The following CABLES2 variants were observed in gnomAD, a reference collection of about 807,000 sequenced individuals.
CABLES2 encodes Cdk5 and Abl enzyme substrate 2.
In CABLES2, 35 loss-of-function variants were observed where a neutral mutation model predicts 44.8. The observed-to-expected ratio is 0.78, with a 90% CI of 0.60 to 1.04. The LOEUF is 1.04. Ranked by LOEUF, CABLES2 falls within the 50% of genes least tolerant of loss-of-function variation. The pLI is 0.00. For synonymous variants in CABLES2, 282 were observed against 281.1 expected (o/e 1.00, Z -0.03); for missense variants, 566 against 615.7 (o/e 0.92, Z 0.85).
chr20:62,396,475 C>T lies in CABLES2; in HGVS notation c.434+46G>A. ...CCTCTGGCCCCGCAGGGGTCAGTGG[C>T]AGCCCGAGCGGAGTCGTAGAGCTCG... On this transcript the variant is annotated intron_variant, in intron 2 of 9. Coordinates refer to ENST00000279101, the MANE Select transcript of CABLES2 (RefSeq NM_031215.3). The surrounding 1 kb of genome is among the most constrained non-coding windows in gnomAD (Gnocchi z 5.7). 6.2e-7 allele frequency: 1 copy of T among 1,613,134 alleles called. No homozygotes were observed. The highest frequency in any genetic ancestry group is 1.1e-5 in the South Asian group (1 of 91,074).
chr20:62,398,089 C>CGGTGGT (rs1376860164), intron 1 of CABLES2, among the ~76,000 whole-genome samples: 1 of 54,854 alleles, frequency 1.8e-5, no homozygotes, highest in Non-Finnish European at 3.5e-5. Flanking sequence ...GTGGTGGTGA[C>CGGTGGT]GGTGGTGGTG....
intron 1 of CABLES2, chr20:62,403,769 A>G (rs1478845900): frequency 6.6e-6 from 1 of 152,258 alleles, no homozygotes; most frequent in Non-Finnish European, 1.5e-5. Context: ...TGGAAGTTCT[A>G]TGAGGAAAAC....
At chr20:62,397,962 ATGGTGGTGACAG>A (rs1988060669) in intron 1 of CABLES2, among the ~76,000 whole-genome samples, 8 of 75,136 alleles carry the variant, frequency 1.1e-4, no homozygotes, top group Non-Finnish European at 1.9e-4. Flanking sequence ...AGTGGTGGTG[ATGGTGGTGACAG>A]TGGTGATGGC....
At chr20:62,392,850 TGCCCCACAC>T (rs536730295) in intron 7 of CABLES2, 61 bp downstream of exon 7, 35 of 1,400,594 alleles carry the variant, frequency 2.5e-5, no homozygotes, top group Non-Finnish European at 3.3e-5. Flanking sequence ...GCCCACAGCC[TGCCCCACAC>T]GCCCCGAGCC....
intron 1 of CABLES2, among the ~76,000 whole-genome samples, chr20:62,401,687 C>G (rs550914563): frequency 6.6e-6 from 1 of 152,206 alleles, no homozygotes; most frequent in South Asian, 2.1e-4. Flanking sequence ...TGCACACAGA[C>G]GCCACACGGG....
intron 6 of CABLES2, among the ~76,000 whole-genome samples, chr20:62,393,232 C>T (rs1987953040): frequency 6.6e-6 from 1 of 152,258 alleles, no homozygotes. Context: ...TGGGTGGATG[C>T]AGCTCCTCCC....
rs373742716 is a variant in CABLES2 at position 62,388,772 on chromosome 20, C to T, written c.*2199G>A. 9.9e-4 allele frequency: 457 copies of T among 460,520 alleles called. 7 individuals are homozygous for T. Among genetic ancestry groups the T allele is most frequent in the South Asian group, 8.8e-3 (393 of 44,772 alleles). The allele number at this position is 460,520 out of a possible 1,614,324, so 28.5% of individuals were successfully genotyped here. On this transcript the variant is annotated 3_prime_UTR_variant, in exon 10 of 10. Transcript: ENST00000279101. ...ACAACTGCTACCGGTGCGGAAGCAA[C>T]GCCAGGCCTGGTTCTGTATAGTCAC... is the stretch of plus-strand genomic sequence containing the variant.
At chr20:62,397,971 A>ATGGT in intron 1 of CABLES2, among the ~76,000 whole-genome samples, 1 of 60,214 alleles carries the variant, frequency 1.7e-5, no homozygotes, top group Non-Finnish European at 3.4e-5. Context: ...GATGGTGGTG[A>ATGGT]CAGTGGTGAT....
Position 62,397,972 on chromosome 20 carries a change from CAG to C in CABLES2, c.363-1382_363-1381del, listed in dbSNP as rs1385400765. ...ACGGTAGTGGTGGTGATGGTGGTGA[CAG>C]TGGTGATGGCGGTGGTGGTGATGAT... On this transcript the variant is annotated intron_variant, in intron 1 of 9. Transcript: ENST00000279101. 2.5e-3 allele frequency among the ~76,000 whole-genome samples: 130 copies of C among 51,708 alleles called. 1 individual carries two copies. Among genetic ancestry groups the C allele is most frequent in the African/African-American group, 0.012 (124 of 10,064 alleles). The allele number at this position is 51,708 out of a possible 152,430, so 33.9% of individuals were successfully genotyped here. A position where few individuals can be genotyped will look rare whatever the true frequency, so the allele number is the denominator to read the frequency against.
chr20:62,398,014 CGGTGGTGGT>C (rs113048661), intron 1 of CABLES2, among the ~76,000 whole-genome samples: 1 of 105,808 alleles, frequency 9.5e-6, no homozygotes. Flanking sequence ...ATGGTTATGG[CGGTGGTGGT>C]GGTGGTGACA....
At chr20:62,393,997 G>A (rs954424260) in intron 5 of CABLES2, among the ~76,000 whole-genome samples, 160 bp downstream of exon 5, 1 of 152,140 alleles carries the variant, frequency 6.6e-6, no homozygotes, top group African/African-American at 2.4e-5. Context: ...CCAGGGCCAC[G>A]TTCTCAGGGC....
intron 1 of CABLES2, among the ~76,000 whole-genome samples, chr20:62,399,511 TGC>T (rs1988148655): frequency 6.7e-6 from 1 of 148,568 alleles, no homozygotes; most frequent in Non-Finnish European, 1.5e-5. Flanking sequence ...CCTCCCAAAG[TGC>T]TGGGATTACA....
At chr20:62,393,821 C>T (rs1403813567) in intron 5 of CABLES2, among the ~76,000 whole-genome samples, 2 of 152,242 alleles carry the variant, frequency 1.3e-5, no homozygotes, top group Non-Finnish European at 2.9e-5. Flanking sequence ...TATCTGGGTT[C>T]TGTAGCCTGT....
In CABLES2 at chr20:62,391,291, G is replaced by T; in HGVS notation, c.1254C>A (p.Ile418=). Residue 418 remains isoleucine (I), a synonymous_variant, in exon 9 of 10, where the codon ATC becomes ATA. Coordinates refer to ENST00000279101, the MANE Select transcript of CABLES2 (RefSeq NM_031215.3). This position sits in a 1 kb window ranked among gnomAD's most constrained non-coding sequence, Gnocchi z 5.7. The part of the protein sequence containing the change: ...AGACVLLAAK[I]SSDLRKSGVT... ...CGCCGCTCTTGCGCAGGTCACTGCT[G>T]ATCTTGGCAGCCAGCAGCACGCAGG... The T allele has an allele frequency of 3.1e-6, 5 of 1,612,954 alleles. No homozygotes were observed. The highest frequency in any genetic ancestry group is 4.2e-6 in the Non-Finnish European group (5 of 1,179,986).
intron 7 of CABLES2, 92 bp downstream of exon 7, chr20:62,392,827 CT>C (rs1238267842): frequency 2.3e-5 from 26 of 1,152,424 alleles, no homozygotes; most frequent in Non-Finnish European, 3.4e-5. Context: ...CGTCACGCCC[CT>C]GGGGCAGCTT....
chr20:62,394,273 C>G lies in CABLES2; in HGVS notation c.606-8G>C. ...CTGTCCACCCTCAGGTCACTGCAAA[C>G]ATGGGAGAGGCAAGGGGCTGTGGTC... On this transcript the variant is annotated splice_region_variant and splice_polypyrimidine_tract_variant and intron_variant, in intron 4 of 9. Transcript: ENST00000279101. 6.2e-7 allele frequency: 1 copy of G among 1,611,488 alleles called. No individual in the cohort carries two copies. Among genetic ancestry groups the G allele is most frequent in the Non-Finnish European group, 8.5e-7 (1 of 1,178,670 alleles).
intron 7 of CABLES2, 139 bp downstream of exon 7, chr20:62,392,781 C>T (rs1222092250): frequency 2.5e-6 from 2 of 789,138 alleles, no homozygotes; most frequent in Non-Finnish European, 4.2e-6. Context: ...CTGCACACCG[C>T]CACTGTCTGT....
intron 1 of CABLES2, chr20:62,403,318 G>A (rs1274252271): frequency 6.6e-6 from 1 of 152,234 alleles, no homozygotes; most frequent in African/African-American, 2.4e-5. Context: ...CGCCCCCTGA[G>A]GGTCTTAGCA....
intron 4 of CABLES2, 111 bp from the exon 5 acceptor site, chr20:62,394,376 GC>G: frequency 1.3e-6 from 1 of 782,114 alleles, no homozygotes; most frequent in Non-Finnish European, 2.1e-6. Context: ...TGTCAGCACA[GC>G]CCCTCGGGAA....
Sources: gnomAD v4.1 joint callset for allele counts (sites outside exome capture counted in the v4.1 genomes callset) on GRCh38, gnomAD v4.1.1 for gene constraint, Gnocchi (gnomAD v3.1) non-coding constraint, MANE v1.5 for transcripts, NCBI Gene and HGNC (gene_info 2026-07-23, HGNC 2026-07-21) for gene names.